Variants in TPSG1 observed in about 807,000 individuals in gnomAD.
TPSG1 encodes the protein tryptase gamma.
TPSG1 carries 43 observed loss-of-function variants against 23.8 expected under a neutral mutation model. The ratio of observed to expected loss-of-function variants is 1.81; its 90% CI spans 1.42 to 2.33. TPSG1 has a LOEUF of 2.33. Among genes scored for constraint, TPSG1 ranks in the 30% most tolerant of loss-of-function variants. TPSG1 has a pLI of 0.00. For synonymous variants in TPSG1, 302 were observed against 201.3 expected (o/e 1.50, Z -4.23); for missense variants, 623 against 438.6 (o/e 1.42, Z -3.75).
At chr16:1,223,744 G>A (rs920782593) in intron 2 of TPSG1, 150 bp from the exon 3 acceptor site, 48 of 939,490 alleles carry the variant, frequency 5.1e-5, no homozygotes, top group South Asian at 6.9e-5. Flanking sequence ...CAGAAGCATC[G>A]TGGGTGCAGC....
Position 1,222,002 on chromosome 16 carries a change from C to T in TPSG1, c.752G>A (p.Arg251Lys), listed in dbSNP as rs762075870. ...SWGEGCGRPN[R>K]PGVYTRVPAY... ...AGGGACACGAGTGTAGACTCCCGGCCTGTTGGGGCGGCCGCAGCCCTCACC... is the reference window on the plus strand; with the variant it reads ...AGGGACACGAGTGTAGACTCCCGGCTTGTTGGGGCGGCCGCAGCCCTCACC... The change falls in exon 6 of 6, where the codon AGG (arginine) becomes AAG (lysine). Residue 251 changes from arginine to lysine, a missense_variant. Coordinates refer to ENST00000234798, the MANE Select transcript of TPSG1 (RefSeq NM_012467.4). 2.5e-6 allele frequency: 4 copies of T among 1,612,434 alleles called. No individual in the cohort carries two copies. The highest frequency in any genetic ancestry group is 3.4e-6 in the Non-Finnish European group (4 of 1,179,864).
Position 1,223,575 on chromosome 16 carries a change from A to C in TPSG1, c.93T>G (p.Val31=). ...TLQPGCGRPQ[V]SDAGGRIVGG... is the part of the protein sequence containing the mutation. ...CCACGATCCGGCCGCCTGCATCCGA[A>C]ACCTGCGGCCGGCCACACCCTAAGT... is the stretch of plus-strand genomic sequence containing the variant. Residue 31 remains valine (V), a synonymous_variant, in exon 3 of 6, where the codon GTT becomes GTG. Transcript: ENST00000234798. 1 of 1,542,638 alleles carries C rather than the reference A, an allele frequency of 6.5e-7. No homozygotes were observed. Among genetic ancestry groups the C allele is most frequent in the East Asian group, 2.5e-5 (1 of 40,696 alleles).
chr16:1,223,530 G>A lies in TPSG1; in HGVS notation c.138C>T (p.Ala46=), dbSNP rs779284702. The stretch of plus-strand genomic sequence containing the variant: ...GGCTGGCCTGCCATGGCCATGCGCC[G>A]GCCGGGGCAGCGTGACCCCCCACGA... The part of the protein sequence containing the change: ...GRIVGGHAAP[A]GAWPWQASLR... Residue 46 remains alanine, a synonymous_variant, in exon 3 of 6, where the codon GCC becomes GCT. Transcript: ENST00000234798. 1.7e-5 allele frequency: 27 copies of A among 1,550,506 alleles called. No homozygotes were observed. The highest frequency in any genetic ancestry group is 2.4e-5 in the South Asian group (2 of 84,466).
chr16:1,222,787 T>TGTCCCCGCTG lies in TPSG1; in HGVS notation c.366_375dup (p.Ile126GlnfsTer30). 6.2e-7 allele frequency: 1 copy of TGTCCCCGCTG among 1,612,302 alleles called. No individual in the cohort carries two copies. The highest frequency in any genetic ancestry group is 2.2e-5 in the East Asian group (1 of 44,856). On this transcript the variant is annotated frameshift_variant, in exon 4 of 6. Transcript: ENST00000234798. LOFTEE classifies it high-confidence loss of function. ...GGGACACTGAGCTCCACCAGGGCGA[T>TGTCCCCGCTG]GTCCCCGCTGGTCCCCGGCTGTCCT...
At position 1,224,588 on chromosome 16, in the gene TPSG1, T is replaced by C. The variant is rs1283543442; in HGVS notation, c.73+14A>G. The C allele has an allele frequency of 1.2e-6, 2 of 1,613,554 alleles. No homozygotes were observed. The highest frequency in any genetic ancestry group is 1.7e-6 in the Non-Finnish European group (2 of 1,179,782). On this transcript the variant is annotated intron_variant, in intron 2 of 5. Transcript: ENST00000234798. ...TGCACCCTCCCCCACACCCCACACC[T>C]GTCAGAGACGTACCTGGCTGCAAAG...
chr16:1,224,480 G>A lies in TPSG1; in HGVS notation c.73+122C>T, dbSNP rs997993187. 9.8e-6 allele frequency: 13 copies of A among 1,325,370 alleles called. No homozygotes were observed. In the African/African-American group the frequency reaches 1.9e-4, roughly 19 times the overall value. 82.1% of individuals were successfully genotyped at this position (1,325,370 alleles called of 1,614,324 possible). On this transcript the variant is annotated intron_variant, in intron 2 of 5. Coordinates refer to ENST00000234798, the MANE Select transcript of TPSG1 (RefSeq NM_012467.4). The stretch of plus-strand genomic sequence containing the variant: ...CCGAGAGATGCGAGCAGAAACCACG[G>A]CGACAAACTATGACCTCCCCGGGCC...
rs146163843 is a variant in TPSG1, at chr16:1,221,818, C to T, written c.936G>A (p.Ala312=). Residue 312 remains alanine, a synonymous_variant, in exon 6 of 6, where the codon GCG becomes GCA. Transcript: ENST00000234798. ...CAGGGGCGGGGAAGGGAGTACCATC[C>T]GCAGATGGGTGCAGCAGGCACTTGG... ...LLAKCLLHPS[A]DGTPFPAPD The T allele has an allele frequency of 5.7e-5, 92 of 1,609,864 alleles. No individual in the cohort carries two copies. Among genetic ancestry groups the T allele is most frequent in the Middle Eastern group, 1.7e-4 (1 of 6,030 alleles).
At position 1,222,646 on chromosome 16, in the gene TPSG1, CCT is replaced by C; in HGVS notation, c.511+4_511+5del. On this transcript the variant is annotated splice_donor_5th_base_variant and intron_variant, in intron 4 of 5. Coordinates refer to ENST00000234798, the MANE Select transcript of TPSG1 (RefSeq NM_012467.4). ...CCATCCCAGCATCCCCACGGGGGCT[CCT>C]CACCTCCCTCCCGCGTATAGCCCCA... 6.5e-7 allele frequency: 1 copy of C among 1,539,512 alleles called. No homozygotes were observed. The highest frequency in any genetic ancestry group is 1.2e-5 in the South Asian group (1 of 80,006).
Position 1,222,914 on chromosome 16 carries a change from G to A in TPSG1, c.249C>T (p.Ser83=). 1.3e-6 allele frequency: 2 copies of A among 1,593,768 alleles called. No homozygotes were observed. Among genetic ancestry groups the A allele is most frequent in the East Asian group, 2.3e-5 (1 of 44,364 alleles). The change falls in exon 4 of 6, where the codon TCC becomes TCT. Residue 83 remains serine, a synonymous_variant. Transcript: ENST00000234798. ...VLTAAHCFSG[S]LNSSDYQVHL... is the part of the protein sequence containing the mutation. ...GCACCTGGTAGTCGGATGAGTTCAG[G>A]GACCTGGGAGGGAAGGTGGCTGGGT...
Position 1,221,795 on chromosome 16 carries a change from G to C in TPSG1, c.959C>G (p.Pro320Arg), listed in dbSNP as rs777763450. The C allele has an allele frequency of 6.2e-7, 1 of 1,601,974 alleles. No individual in the cohort carries two copies. Among genetic ancestry groups the C allele is most frequent in the East Asian group, 2.2e-5 (1 of 44,612 alleles). ...GCACTTGGATTCCTGCCATCAGTCA[G>C]GGGCGGGGAAGGGAGTACCATCCGC... The part of the protein sequence containing the change: ...PSADGTPFPA[P>R]D The change falls in exon 6 of 6, where the codon CCT becomes CGT. Residue 320 changes from proline (P) to arginine (R), a missense_variant. Coordinates refer to ENST00000234798, the MANE Select transcript of TPSG1 (RefSeq NM_012467.4).
intron 2 of TPSG1, among the ~76,000 whole-genome samples, 163 bp downstream of exon 2, chr16:1,224,439 G>A (rs901848432): frequency 5.9e-5 from 9 of 152,048 alleles, no homozygotes; most frequent in South Asian, 4.1e-4. Flanking sequence ...AGCACACCCC[G>A]ACCAGCCCCA....
intron 3 of TPSG1, among the ~76,000 whole-genome samples, 157 bp from the exon 4 acceptor site, chr16:1,223,074 G>A (rs2029910302): frequency 6.6e-6 from 1 of 152,210 alleles, no homozygotes; most frequent in Admixed American, 6.5e-5. Flanking sequence ...CACCCTGCAG[G>A]GCCCAAGGAC....
At chr16:1,225,060 A>G in intron 1 of TPSG1, 147 bp downstream of exon 1, 1 of 844,174 alleles carries the variant, frequency 1.2e-6, no homozygotes, top group Non-Finnish European at 1.8e-6. Context: ...CCAGGGGTGC[A>G]GTCTCTTCAG....
At chr16:1,223,631 C>T (rs866910066) in intron 2 of TPSG1, 37 bp from the exon 3 acceptor site, 2 of 1,524,310 alleles carry the variant, frequency 1.3e-6, no homozygotes, top group East Asian at 5.0e-5. Context: ...GGTGGGGATC[C>T]CAAGAAACCC....
At chr16:1,224,924 G>C (rs1596488370) in intron 1 of TPSG1, 1 of 591,754 alleles carries the variant, frequency 1.7e-6, no homozygotes, top group African/African-American at 1.9e-5. Flanking sequence ...TAGGGCCTGG[G>C]ACTCCTGGCA....
intron 1 of TPSG1, 24 bp downstream of exon 1, chr16:1,225,171 GCCCCCCCATCCC>G: frequency 6.4e-7 from 1 of 1,553,448 alleles, no homozygotes; most frequent in Non-Finnish European, 8.7e-7. Context: ...GGAAGCAGAT[GCCCCCCCATCCC>G]CACACCCAGG....
At chr16:1,222,599 T>C in intron 4 of TPSG1, 53 bp downstream of exon 4, 1 of 1,515,200 alleles carries the variant, frequency 6.6e-7, no homozygotes, top group Non-Finnish European at 8.8e-7. Context: ...GCCAGCTCTC[T>C]TCCTGCCGCC....
At position 1,222,863 on chromosome 16, in the gene TPSG1, CAG is replaced by C. The variant is rs769682884; in HGVS notation, c.298_299del (p.Leu100ValfsTer52). 3.7e-6 allele frequency: 6 copies of C among 1,610,640 alleles called. No individual in the cohort carries two copies. Among genetic ancestry groups the C allele is most frequent in the Middle Eastern group, 1.8e-4 (1 of 5,712 alleles). ...QVHLGELEIT[L>X]SPHFSTVRQI... ...GCCTCACGGTGGAGAAGTGGGGAGACAGAGTGATCTCCAGTTCCCCCAGGTGC... is the reference window on the plus strand; with the variant it reads ...GCCTCACGGTGGAGAAGTGGGGAGACAGTGATCTCCAGTTCCCCCAGGTGC... On this transcript the variant is annotated frameshift_variant, in exon 4 of 6. Coordinates refer to ENST00000234798, the MANE Select transcript of TPSG1 (RefSeq NM_012467.4). LOFTEE classifies it high-confidence loss of function.
chr16:1,224,859 C>G, intron 1 of TPSG1: 2 of 613,470 alleles, frequency 3.3e-6, no homozygotes, highest in South Asian at 2.0e-5. Context: ...GGCCTCAGGC[C>G]TGGGCCTCCT....
Sources: gnomAD v4.1 joint callset for allele counts (sites outside exome capture counted in the v4.1 genomes callset) on GRCh38, gnomAD v4.1.1 for gene constraint, MANE v1.5 for transcripts, NCBI Gene and HGNC (gene_info 2026-07-23, HGNC 2026-07-21) for gene names.